The following DNAH7 variants were observed in gnomAD, a reference collection of about 807,000 sequenced individuals.
DNAH7 encodes dynein axonemal heavy chain 7, also known as axonemal beta dynein heavy chain 7.
Under a neutral mutation model 444.6 loss-of-function variants are expected in DNAH7, and 397 were observed. The ratio of observed to expected loss-of-function variants is 0.89; its 90% CI spans 0.82 to 0.97. The LOEUF (loss-of-function observed/expected upper bound fraction) is 0.97, where lower values mean the gene tolerates loss of function less well. DNAH7 is among the 50% of genes least tolerant of loss of function. DNAH7 has a pLI of 0.00. For synonymous variants in DNAH7, 1,636 were observed against 1,624.4 expected (o/e 1.01, Z -0.17); for missense variants, 4,902 against 4,800.8 (o/e 1.02, Z -0.62).
At chr2:195,942,882 C>T (rs1224105387) in intron 19 of DNAH7, among the ~76,000 whole-genome samples, 1 of 152,124 alleles carries the variant, frequency 6.6e-6, no homozygotes, top group Non-Finnish European at 1.5e-5. Flanking sequence ...ACTCCCATCA[C>T]CTTCCAACAG....
At chr2:195,991,127 TTTTTCTGG>T (rs1693312095) in intron 12 of DNAH7, among the ~76,000 whole-genome samples, 1 of 151,714 alleles carries the variant, frequency 6.6e-6, no homozygotes, top group Non-Finnish European at 1.5e-5. Flanking sequence ...CATAAAAGCT[TTTTTCTGG>T]CTGTTTTTTA....
At chr2:196,055,863 A>T (rs1697768351) in intron 2 of DNAH7, among the ~76,000 whole-genome samples, 1 of 152,144 alleles carries the variant, frequency 6.6e-6, no homozygotes, top group Admixed American at 6.5e-5. Context: ...ACTTTTTAAG[A>T]TCTCTGCATC....
intron 12 of DNAH7, among the ~76,000 whole-genome samples, chr2:195,998,353 T>C (rs577482279): frequency 6.6e-6 from 1 of 152,122 alleles, no homozygotes; most frequent in Non-Finnish European, 1.5e-5. Flanking sequence ...GGTGGGCGGA[T>C]CACGAGGTCA....
At chr2:195,880,694 C>A (rs1323420985) in intron 36 of DNAH7, among the ~76,000 whole-genome samples, 1 of 152,114 alleles carries the variant, frequency 6.6e-6, no homozygotes. Flanking sequence ...AATCAATTAT[C>A]ATAAAATTAT....
chr2:195,762,038 CAGAG>C (rs1202367561), intron 61 of DNAH7, among the ~76,000 whole-genome samples: 1 of 151,942 alleles, frequency 6.6e-6, no homozygotes. Flanking sequence ...CTTTTCAAGA[CAGAG>C]ACAGTATAAT....
chr2:195,971,149 A>G (rs988810261), intron 16 of DNAH7, among the ~76,000 whole-genome samples: 1 of 152,204 alleles, frequency 6.6e-6, no homozygotes, highest in Non-Finnish European at 1.5e-5. Flanking sequence ...TCCAAACAAC[A>G]TATTTTGCCA....
rs74481743 is a variant in DNAH7, at chr2:195,894,649, T to C, written c.4896+327A>G. 1.0e-3 allele frequency: 184 copies of C among 178,564 alleles called. 3 individuals carry two copies. In the East Asian group the frequency reaches 0.026, roughly 25 times the overall value. The allele number at this position is 178,564 out of a possible 1,614,324, so 11.1% of individuals were successfully genotyped here. A position where few individuals can be genotyped will look rare whatever the true frequency, so the allele number is the denominator to read the frequency against. Reference sequence around the variant, plus strand: ...CAGAAGCTTGCATTACAAATCTATCTAGAAAATAAAAAAGACTCCTCTGAA... The same window carrying C: ...CAGAAGCTTGCATTACAAATCTATCCAGAAAATAAAAAAGACTCCTCTGAA... On this transcript the variant is annotated intron_variant, in intron 30 of 64. Coordinates refer to ENST00000312428, the MANE Select transcript of DNAH7 (RefSeq NM_018897.3).
intron 54 of DNAH7, 94 bp from the exon 55 acceptor site, chr2:195,799,566 C>T (rs1241505057): frequency 1.8e-6 from 2 of 1,127,384 alleles, no homozygotes; most frequent in Non-Finnish European, 2.4e-6. Context: ...AACAAAATAC[C>T]CTAGCTCTAT....
intron 12 of DNAH7, 149 bp from the exon 13 acceptor site, chr2:195,988,378 A>G (rs1238113940): frequency 2.1e-5 from 14 of 680,784 alleles, no homozygotes; most frequent in Non-Finnish European, 3.1e-5. Flanking sequence ...ATAGAAAGAT[A>G]TTAGACTAAT....
Position 195,740,754 on chromosome 2 carries a change from G to C in DNAH7, c.11868+12C>G, listed in dbSNP as rs769722255. ...ATAATTCCACATGTATATATAATTA[G>C]AATTTACTAACCACAGGCACTGTAT... On this transcript the variant is annotated intron_variant, in intron 64 of 64. Coordinates refer to ENST00000312428, the MANE Select transcript of DNAH7 (RefSeq NM_018897.3). The C allele has an allele frequency of 7.4e-7, 1 of 1,354,002 alleles. No homozygotes were observed. The highest frequency in any genetic ancestry group is 9.7e-7 in the Non-Finnish European group (1 of 1,027,504). 83.9% of individuals were successfully genotyped at this position (1,354,002 alleles called of 1,614,324 possible). A position where few individuals can be genotyped will look rare whatever the true frequency, so the allele number is the denominator to read the frequency against.
At chr2:195,768,764 T>G (rs1286684275) in intron 61 of DNAH7, among the ~76,000 whole-genome samples, 1 of 152,212 alleles carries the variant, frequency 6.6e-6, no homozygotes, top group Non-Finnish European at 1.5e-5. Context: ...TTCTTTGACA[T>G]TTTTACAATA....
intron 36 of DNAH7, among the ~76,000 whole-genome samples, chr2:195,879,080 A>G (rs549370165): frequency 6.6e-6 from 1 of 152,318 alleles, no homozygotes; most frequent in Non-Finnish European, 1.5e-5. Flanking sequence ...TTATAAACAC[A>G]CCATCATAAC....
At chr2:196,007,746 C>T (rs1449218590) in intron 10 of DNAH7, among the ~76,000 whole-genome samples, 3 of 152,206 alleles carry the variant, frequency 2.0e-5, no homozygotes, top group Admixed American at 6.5e-5. Flanking sequence ...CATGTAGGAC[C>T]GGGCTTTGCT....
intron 5 of DNAH7, among the ~76,000 whole-genome samples, chr2:196,033,759 C>A (rs1696209653): frequency 6.6e-6 from 1 of 152,134 alleles, no homozygotes; most frequent in South Asian, 2.1e-4. Context: ...CATGGGCATG[C>A]AGATGTCTCT....
At chr2:195,990,224 C>G (rs1693208554) in intron 12 of DNAH7, among the ~76,000 whole-genome samples, 1 of 152,138 alleles carries the variant, frequency 6.6e-6, no homozygotes, top group Non-Finnish European at 1.5e-5. Context: ...ACATTTAAAT[C>G]TTTAATCCGC....
chr2:195,845,964 A>G (rs1383557765), intron 46 of DNAH7, among the ~76,000 whole-genome samples: 1 of 152,222 alleles, frequency 6.6e-6, no homozygotes, highest in Non-Finnish European at 1.5e-5. Flanking sequence ...ATTAAATGGC[A>G]AGGATGCCAA....
intron 63 of DNAH7, among the ~76,000 whole-genome samples, chr2:195,749,670 A>G (rs994415976): frequency 3.3e-5 from 5 of 151,908 alleles, no homozygotes; most frequent in African/African-American, 1.2e-4. Flanking sequence ...TGATGAGTTC[A>G]TGTCCTTTGT....
At chr2:195,861,683 T>C (rs1470277053) in intron 42 of DNAH7, 34 bp downstream of exon 42, 2 of 1,488,950 alleles carry the variant, frequency 1.3e-6, no homozygotes, top group East Asian at 2.3e-5. Context: ...TTAATTGCCA[T>C]AGCTTACTTA....
At chr2:195,924,452 G>C (rs1052689191) in intron 22 of DNAH7, among the ~76,000 whole-genome samples, 6 of 152,128 alleles carry the variant, frequency 3.9e-5, no homozygotes, top group African/African-American at 1.4e-4. Flanking sequence ...AAGTTAGCTG[G>C]GTGTGGTGGC....
Sources: allele counts gnomAD v4.1 joint callset (sites outside exome capture counted in the v4.1 genomes callset), GRCh38; gene constraint gnomAD v4.1.1; transcripts MANE v1.5; gene names NCBI Gene and HGNC (gene_info 2026-07-23, HGNC 2026-07-21).